TTLL7: variants seen among roughly 807,000 people sequenced by gnomAD.
TTLL7 encodes tubulin polyglutamylase TTLL7.
Under a neutral mutation model 120.2 loss-of-function variants are expected in TTLL7, and 53 were observed. The ratio of observed to expected loss-of-function variants is 0.44; its 90% CI spans 0.35 to 0.55. TTLL7 has a LOEUF of 0.55. TTLL7 is among the 20% of genes least tolerant of loss of function. The pLI is 0.00. For missense variants in TTLL7, 803 were observed against 1,054.7 expected (o/e 0.76, Z 3.31); for synonymous variants, 353 against 351.7 (o/e 1.00, Z -0.04).
chr1:83,924,339 C>A (rs993534025), intron 10 of TTLL7, among the ~76,000 whole-genome samples: 1 of 152,138 alleles, frequency 6.6e-6, no homozygotes, highest in Admixed American at 6.6e-5. Flanking sequence ...AATGTGCCGA[C>A]AAAATATGTG....
chr1:83,873,789 T>A (rs546383975), intron 20 of TTLL7, among the ~76,000 whole-genome samples: 1 of 152,240 alleles, frequency 6.6e-6, no homozygotes, highest in African/African-American at 2.4e-5. Context: ...ATTTCAAGAC[T>A]GATAGAAATT....
intron 19 of TTLL7, chr1:83,885,028 G>A (rs114028626): frequency 0.01 from 2,673 of 256,560 alleles, 20 homozygotes; most frequent in Non-Finnish European, 0.013. Flanking sequence ...TGACACATAC[G>A]TGTTTATCAA....
intron 17 of TTLL7, 94 bp downstream of exon 17, chr1:83,906,235 C>G: frequency 1.9e-6 from 2 of 1,047,386 alleles, no homozygotes; most frequent in Non-Finnish European, 2.8e-6. Context: ...TACTATGTCA[C>G]TGAGCATAAT....
intron 1 of TTLL7, among the ~76,000 whole-genome samples, chr1:83,984,958 A>T (rs1652310978): frequency 6.6e-6 from 1 of 152,064 alleles, no homozygotes; most frequent in South Asian, 2.1e-4. Context: ...TTCTAAAAGA[A>T]TGTATAAAAT....
chr1:83,991,313 G>A (rs1353815115), intron 1 of TTLL7, among the ~76,000 whole-genome samples: 2 of 152,084 alleles, frequency 1.3e-5, no homozygotes, highest in Non-Finnish European at 2.9e-5. Context: ...CCTCTGCACT[G>A]TACATTTAAA....
intron 18 of TTLL7, among the ~76,000 whole-genome samples, chr1:83,892,757 T>TATATATGAACGCATATGTGAAC (rs1655792994): frequency 6.6e-6 from 1 of 151,074 alleles, no homozygotes; most frequent in Admixed American, 6.6e-5. Context: ...TATGTGAACA[T>TATATATGAACGCATATGTGAAC]ATATATGAGC....
chr1:83,967,436 A>G (rs1571336298), intron 1 of TTLL7, among the ~76,000 whole-genome samples: 1 of 152,106 alleles, frequency 6.6e-6, no homozygotes, highest in Admixed American at 6.6e-5. Context: ...CAGGGCTGAG[A>G]ATCTTCATGT....
In TTLL7 at chr1:83,921,305, G is replaced by A. The variant is rs747438390; in HGVS notation, c.1232C>T (p.Pro411Leu). The change falls in exon 11 of 21, where the codon CCA becomes CTA. Residue 411 changes from proline (P) to leucine (L), a missense_variant. Transcript: ENST00000260505. ...YGQNSIKRLL[P>L]GSSDWEQQRH... ...CTGCTGTTCCCAGTCTGAGGAGCCT[G>A]GTAAGAGCCTTTTAATTGAATTTTG... The A allele has an allele frequency of 1.9e-6, 3 of 1,613,062 alleles. No individual in the cohort carries two copies. The highest frequency in any genetic ancestry group is 1.1e-5 in the South Asian group (1 of 91,022).
At chr1:83,878,651 T>C (rs1356510203) in intron 20 of TTLL7, among the ~76,000 whole-genome samples, 2 of 152,066 alleles carry the variant, frequency 1.3e-5, no homozygotes, top group African/African-American at 2.4e-5. Context: ...AGAGGCAGGA[T>C]TTATCCAAAT....
At chr1:83,880,323 A>T (rs1654330126) in intron 20 of TTLL7, 1 of 152,026 alleles carries the variant, frequency 6.6e-6, no homozygotes. Flanking sequence ...AAAGAGGTTA[A>T]ATGTCTTGCA....
intron 14 of TTLL7, among the ~76,000 whole-genome samples, chr1:83,914,251 T>C (rs1379982581): frequency 1.3e-5 from 2 of 151,210 alleles, no homozygotes; most frequent in African/African-American, 4.8e-5. Context: ...CAACATCCTA[T>C]ACAGTATCAT....
intron 4 of TTLL7, among the ~76,000 whole-genome samples, chr1:83,949,097 A>T (rs1357439550): frequency 6.6e-6 from 1 of 152,204 alleles, no homozygotes; most frequent in Non-Finnish European, 1.5e-5. Flanking sequence ...AATAAGGTCT[A>T]TACAAACTGT....
chr1:83,905,229 T>G (rs1657082073), intron 17 of TTLL7, among the ~76,000 whole-genome samples: 1 of 151,950 alleles, frequency 6.6e-6, no homozygotes, highest in Non-Finnish European at 1.5e-5. Flanking sequence ...TGTAACTAAG[T>G]AGCACCTAGC....
At chr1:83,988,100 T>C (rs1309165418) in intron 1 of TTLL7, among the ~76,000 whole-genome samples, 6 of 152,158 alleles carry the variant, frequency 3.9e-5, no homozygotes, top group African/African-American at 1.4e-4. Flanking sequence ...GAGTACCCAA[T>C]GTTTAGCTGC....
At chr1:83,963,923 C>G (rs920149825) in intron 1 of TTLL7, among the ~76,000 whole-genome samples, 2 of 151,940 alleles carry the variant, frequency 1.3e-5, no homozygotes, top group African/African-American at 4.8e-5. Context: ...TTTAGAAAAT[C>G]CATATGGAAA....
chr1:83,956,138 A>G (rs984202442), intron 1 of TTLL7, among the ~76,000 whole-genome samples: 2 of 152,064 alleles, frequency 1.3e-5, no homozygotes, highest in Admixed American at 6.6e-5. Flanking sequence ...TTATTCATTT[A>G]TATTGTTTTT....
chr1:83,910,147 T>C (rs1657555274), intron 15 of TTLL7, among the ~76,000 whole-genome samples: 1 of 152,156 alleles, frequency 6.6e-6, no homozygotes, highest in African/African-American at 2.4e-5. Context: ...ACAAAGACCA[T>C]TCCTCTAAAA....
At chr1:83,904,320 C>T (rs1216240047) in intron 17 of TTLL7, among the ~76,000 whole-genome samples, 161 bp from the exon 18 acceptor site, 3 of 152,104 alleles carry the variant, frequency 2.0e-5, no homozygotes, top group Admixed American at 6.6e-5. Flanking sequence ...AAACCATCTA[C>T]ATCCAAAGCT....
chr1:83,998,160 G>A (rs1653658188), intron 1 of TTLL7, among the ~76,000 whole-genome samples: 1 of 152,108 alleles, frequency 6.6e-6, no homozygotes, highest in South Asian at 2.1e-4. Flanking sequence ...ACCTATATTC[G>A]AATTCCTGTT....
Sources: gnomAD v4.1 joint callset for allele counts (sites outside exome capture counted in the v4.1 genomes callset) on GRCh38, gnomAD v4.1.1 for gene constraint, MANE v1.5 for transcripts, NCBI Gene and HGNC (gene_info 2026-07-23, HGNC 2026-07-21) for gene names.